AGBL1: variants seen among roughly 807,000 people sequenced by gnomAD.
AGBL1 encodes the protein AGBL carboxypeptidase 1.
In AGBL1, 130 loss-of-function variants were observed where a neutral mutation model predicts 118.9. That is an observed-to-expected ratio of 1.09 (90% CI 0.95 to 1.26). The LOEUF (loss-of-function observed/expected upper bound fraction) is 1.26. AGBL1 is among the 50% of genes most tolerant of loss of function. The pLI is 0.00. For missense variants in AGBL1, 1,584 were observed against 1,298.1 expected, an observed-to-expected ratio of 1.22 and a Z score of -3.38; for synonymous variants, 555 against 478.9, an observed-to-expected ratio of 1.16 and a Z score of -2.08.
chr15:86,990,002 G>T (rs2141739058), intron 24 of AGBL1, among the ~76,000 whole-genome samples: 1 of 152,300 alleles, frequency 6.6e-6, no homozygotes, highest in Non-Finnish European at 1.5e-5. Context: ...CTAAATATCA[G>T]ATGCTTCATT....
intron 5 of AGBL1, among the ~76,000 whole-genome samples, chr15:86,179,188 A>G (rs956923224): frequency 3.3e-5 from 5 of 152,240 alleles, no homozygotes; most frequent in East Asian, 1.9e-4. Flanking sequence ...AGTAAAAGAC[A>G]TGGTTAAGCA....
At chr15:86,443,260 G>A (rs1371159179) in intron 18 of AGBL1, among the ~76,000 whole-genome samples, 2 of 152,178 alleles carry the variant, frequency 1.3e-5, no homozygotes, top group African/African-American at 4.8e-5. Flanking sequence ...GTTTCCCTGT[G>A]TGATCAGATG....
chr15:86,603,492 T>C (rs1239177316), intron 21 of AGBL1, among the ~76,000 whole-genome samples: 1 of 152,016 alleles, frequency 6.6e-6, no homozygotes, highest in African/African-American at 2.4e-5. Flanking sequence ...TGACACAGGC[T>C]TCCTGTCCCC....
chr15:86,420,101 G>A (rs1293112390), intron 18 of AGBL1, among the ~76,000 whole-genome samples: 4 of 152,164 alleles, frequency 2.6e-5, no homozygotes, highest in Non-Finnish European at 5.9e-5. Context: ...TCCCAATACA[G>A]CACTAGATTT....
At chr15:86,130,292 T>G (rs2076802996) in intron 1 of AGBL1, among the ~76,000 whole-genome samples, 1 of 152,200 alleles carries the variant, frequency 6.6e-6, no homozygotes, top group Non-Finnish European at 1.5e-5. Context: ...TGCCACACTG[T>G]CAAAAATGGA....
intron 21 of AGBL1, among the ~76,000 whole-genome samples, chr15:86,596,022 G>A (rs747947532): frequency 1.3e-4 from 20 of 152,132 alleles, no homozygotes; most frequent in Non-Finnish European, 2.2e-4. Flanking sequence ...TAGGGGGTTG[G>A]GTGTGGTGGC....
intron 1 of AGBL1, among the ~76,000 whole-genome samples, chr15:86,121,048 C>T (rs930402695): frequency 2.0e-5 from 3 of 152,058 alleles, no homozygotes; most frequent in Non-Finnish European, 4.4e-5. Flanking sequence ...AGGCATGTGC[C>T]ACCATGCCTG....
At chr15:86,513,609 C>G (rs1289153645) in intron 18 of AGBL1, among the ~76,000 whole-genome samples, 1 of 151,978 alleles carries the variant, frequency 6.6e-6, no homozygotes, top group African/African-American at 2.4e-5. Flanking sequence ...AGCTACATTG[C>G]TGATTGTTGC....
chr15:86,587,469 T>C (rs1218391872), intron 21 of AGBL1, among the ~76,000 whole-genome samples: 1 of 152,118 alleles, frequency 6.6e-6, no homozygotes, highest in African/African-American at 2.4e-5. Flanking sequence ...TAAAAAGGCT[T>C]CATGGAGGGG....
chr15:86,218,996 A>G (rs2078235296), intron 5 of AGBL1, among the ~76,000 whole-genome samples: 1 of 152,232 alleles, frequency 6.6e-6, no homozygotes, highest in Admixed American at 6.5e-5. Context: ...TCAAGCTGCT[A>G]CAATTGTGGT....
Position 86,546,083 on chromosome 15 carries a change from G to A in AGBL1, c.2767G>A (p.Ala923Thr), listed in dbSNP as rs754278045. 2 of 1,613,474 alleles carry A rather than the reference G, an allele frequency of 1.2e-6. No individual in the cohort carries two copies. The highest frequency in any genetic ancestry group is 1.1e-5 in the South Asian group (1 of 91,062). ...GCSIKETLWQ[A>T]ACTVGTSTIL... ...TAGCATCAAGGAAACCTTGTGGCAA[G>A]CAGCATGCACTGTGGGCACATCTAC... The change falls in exon 20 of 23, where the codon GCA (alanine) becomes ACA (threonine). Residue 923 changes from alanine to threonine, a missense_variant. Physicochemically the swap from Ala to Thr is moderately conservative, Grantham distance 58. Transcript: ENST00000614907.
intron 17 of AGBL1, among the ~76,000 whole-genome samples, chr15:86,357,018 G>A (rs1224617659): frequency 2.6e-5 from 4 of 152,152 alleles, no homozygotes; most frequent in Non-Finnish European, 4.4e-5. Context: ...TTTTTGTTGG[G>A]CAAACATTGG....
intron 1 of AGBL1, among the ~76,000 whole-genome samples, chr15:86,127,949 C>A (rs1179877978): frequency 6.6e-6 from 1 of 152,176 alleles, no homozygotes; most frequent in Non-Finnish European, 1.5e-5. Context: ...TTAAGAATAT[C>A]TCTTTAGGAC....
chr15:86,199,169 A>G (rs2077864845), intron 5 of AGBL1, among the ~76,000 whole-genome samples: 1 of 152,216 alleles, frequency 6.6e-6, no homozygotes, highest in Non-Finnish European at 1.5e-5. Flanking sequence ...TTACCATTTA[A>G]CAAAATACAT....
At chr15:86,641,802 A>AT (rs1423976609) in intron 21 of AGBL1, among the ~76,000 whole-genome samples, 5 of 152,116 alleles carry the variant, frequency 3.3e-5, no homozygotes, top group Non-Finnish European at 5.9e-5. Flanking sequence ...TCAGTCAACT[A>AT]TTTTTGCAGC....
At chr15:86,554,836 G>T (rs1033273583) in intron 21 of AGBL1, among the ~76,000 whole-genome samples, 7 of 152,136 alleles carry the variant, frequency 4.6e-5, no homozygotes, top group African/African-American at 1.7e-4. Flanking sequence ...ACCTCTGCTT[G>T]CCTGGCTCTG....
chr15:86,211,634 G>C (rs2141888171), intron 5 of AGBL1, among the ~76,000 whole-genome samples: 1 of 152,336 alleles, frequency 6.6e-6, no homozygotes, highest in South Asian at 2.1e-4. Context: ...GTGGGTATGG[G>C]ACTTGCCGAG....
downstream of AGBL1, among the ~76,000 whole-genome samples, chr15:86,918,867 T>C (rs371142665): frequency 9.8e-5 from 15 of 152,296 alleles, no homozygotes; most frequent in African/African-American, 3.6e-4. Context: ...CCCAACAAAA[T>C]CGGGTCTGGA....
chr15:86,639,828 A>G (rs1262972327), intron 21 of AGBL1, among the ~76,000 whole-genome samples: 1 of 152,152 alleles, frequency 6.6e-6, no homozygotes, highest in African/African-American at 2.4e-5. Context: ...ATGTATATTA[A>G]TATTTTCAGC....
Sources: gnomAD v4.1 joint callset for allele counts (sites outside exome capture counted in the v4.1 genomes callset) on GRCh38, gnomAD v4.1.1 for gene constraint, MANE v1.5 for transcripts, NCBI Gene and HGNC (gene_info 2026-07-23, HGNC 2026-07-21) for gene names.